MAMDC4: variants seen among roughly 807,000 people sequenced by gnomAD.
The protein encoded by MAMDC4 is MAM domain containing 4.
In MAMDC4, 168 loss-of-function variants were observed where a neutral mutation model predicts 153.3. The ratio of observed to expected loss-of-function variants is 1.10; its 90% CI spans 0.97 to 1.25. The LOEUF is 1.25. Among genes scored for constraint, MAMDC4 ranks in the 50% most tolerant of loss-of-function variants. MAMDC4 has a pLI of 0.00. For missense variants in MAMDC4, 1,701 were observed against 1,542.8 expected (o/e 1.10, Z -1.72); for synonymous variants, 744 against 651.5 (o/e 1.14, Z -2.16).
chr9:136,857,522 G>A lies in MAMDC4; in HGVS notation c.2262G>A (p.Gln754=). ...SPGGQGLWRR[Q]ANASGHAAWG... Reference sequence around the variant, plus strand: ...GAGGCCAAGGTCTCTGGAGGCGGCAGGCCAATGCCTCGGGCCATGCTGCCT... The same window carrying A: ...GAGGCCAAGGTCTCTGGAGGCGGCAAGCCAATGCCTCGGGCCATGCTGCCT... Residue 754 remains glutamine (Q), a synonymous_variant, in exon 18 of 27, where the codon CAG becomes CAA. Coordinates refer to ENST00000317446, the MANE Select transcript of MAMDC4 (RefSeq NM_206920.3). 2 of 1,610,984 alleles carry A rather than the reference G, an allele frequency of 1.2e-6. No homozygotes were observed. The highest frequency in any genetic ancestry group is 1.7e-5 in the Admixed American group (1 of 60,032).
chr9:136,860,218 T>C (rs936435138), intron 26 of MAMDC4, among the ~76,000 whole-genome samples, 154 bp downstream of exon 26: 8 of 152,120 alleles, frequency 5.3e-5, no homozygotes, highest in Admixed American at 5.2e-4. Context: ...CAGCCACCAC[T>C]GTCAAAGCTC....
At position 136,854,586 on chromosome 9, in the gene MAMDC4, C is replaced by A; in HGVS notation, c.844C>A (p.Arg282Ser). The change falls in exon 8 of 27, where the codon CGC becomes AGC. Residue 282 changes from arginine (R) to serine (S), a missense_variant. Physicochemically the swap from Arg to Ser is moderately radical, Grantham distance 110. Transcript: ENST00000317446. ...DFETGLGPWN[R>S]SEGWSRNHRA... The stretch of plus-strand genomic sequence containing the variant: ...TGAGACAGGCCTGGGCCCATGGAAC[C>A]GCTCGGAAGGCTGGTCCCGGAACCA... The A allele has an allele frequency of 6.2e-7, 1 of 1,607,580 alleles. No individual in the cohort carries two copies. The highest frequency in any genetic ancestry group is 8.5e-7 in the Non-Finnish European group (1 of 1,177,892).
rs1215042024 is a variant in MAMDC4, at chr9:136,854,353, G to A, written c.796+17G>A. 11 of 1,529,856 alleles carry A rather than the reference G, an allele frequency of 7.2e-6. No individual in the cohort carries two copies. The highest frequency in any genetic ancestry group is 1.3e-5 in the South Asian group (1 of 79,348). 94.8% of individuals were successfully genotyped at this position (1,529,856 alleles called of 1,614,324 possible). On this transcript the variant is annotated intron_variant, in intron 7 of 26. Coordinates refer to ENST00000317446, the MANE Select transcript of MAMDC4 (RefSeq NM_206920.3). ...TCACCTGTGGTGAGGCCGGAGTGGGGGCCCAGAGTGAGGCTGGGAGACTGG... is the reference window on the plus strand; with the variant it reads ...TCACCTGTGGTGAGGCCGGAGTGGGAGCCCAGAGTGAGGCTGGGAGACTGG...
chr9:136,853,190 C>A lies in MAMDC4; in HGVS notation c.135C>A (p.Cys45Ter), dbSNP rs371276322. 1 of 1,612,820 alleles carries A rather than the reference C, an allele frequency of 6.2e-7. No homozygotes were observed. The highest frequency in any genetic ancestry group is 8.5e-7 in the Non-Finnish European group (1 of 1,179,954). ...VCNFVCDCRD[C>*]SDEAQCGYHG... ...ACTTCGTGTGTGACTGCAGGGACTGCTCAGATGAGGCCCAGTGTGGTGAGC... is the reference window on the plus strand; with the variant it reads ...ACTTCGTGTGTGACTGCAGGGACTGATCAGATGAGGCCCAGTGTGGTGAGC... The change falls in exon 2 of 27, where the codon TGC becomes TGA. Residue 45 changes from cysteine (C) to a stop codon, truncating the protein, a stop_gained. Coordinates refer to ENST00000317446, the MANE Select transcript of MAMDC4 (RefSeq NM_206920.3). LOFTEE classifies it high-confidence loss of function.
At position 136,857,552 on chromosome 9, in the gene MAMDC4, C is replaced by A; in HGVS notation, c.2292C>A (p.Gly764=). ...ATGCCTCGGGCCATGCTGCCTGGGG[C>A]CCCCCAACAGACCATACCACTGAGA... ...QANASGHAAW[G]PPTDHTTETA... Residue 764 remains glycine, a synonymous_variant, in exon 18 of 27, where the codon GGC becomes GGA. Transcript: ENST00000317446. 1 of 1,611,838 alleles carries A rather than the reference C, an allele frequency of 6.2e-7. No individual in the cohort carries two copies. Among genetic ancestry groups the A allele is most frequent in the African/African-American group, 1.3e-5 (1 of 75,060 alleles).
intron 1 of MAMDC4, 106 bp from the exon 2 acceptor site, chr9:136,852,996 C>T: frequency 1.1e-6 from 1 of 912,614 alleles, no homozygotes; most frequent in Non-Finnish European, 1.7e-6. Context: ...GTCTGAGGGG[C>T]ATCCCCGGAC....
Position 136,857,434 on chromosome 9 carries a change from CGGGCCCCTGCT to C in MAMDC4, c.2183_2193del (p.Cys728Ter), listed in dbSNP as rs764872907. ...GCGCTGGACGATGTGGCCGTGCGGC[CGGGCCCCTGCT>C]GGGCCCCTAATTACTGCTCCTTTGA... is the stretch of plus-strand genomic sequence containing the variant. On this transcript the variant is annotated frameshift_variant, in exon 18 of 27. Coordinates refer to ENST00000317446, the MANE Select transcript of MAMDC4 (RefSeq NM_206920.3). LOFTEE classifies it high-confidence loss of function. 11 of 1,608,208 alleles carry C rather than the reference CGGGCCCCTGCT, an allele frequency of 6.8e-6. No individual in the cohort carries two copies. The highest frequency in any genetic ancestry group is 2.2e-5 in the East Asian group (1 of 44,882).
intron 26 of MAMDC4, 32 bp from the exon 27 acceptor site, chr9:136,860,530 A>G (rs1849074361): frequency 6.2e-7 from 1 of 1,601,710 alleles, no homozygotes; most frequent in Admixed American, 1.7e-5. Context: ...TCAGGAAAGA[A>G]AGAAAAAAAA....
chr9:136,855,250 TCAGATCCTCCTGGCCGGG>T lies in MAMDC4; in HGVS notation c.1199_1216del (p.Ile400_Gln405del). On this transcript the variant is annotated splice_acceptor_variant and splice_polypyrimidine_tract_variant and coding_sequence_variant and intron_variant, in exon 11 of 27. Transcript: ENST00000317446. LOFTEE classifies it high-confidence loss of function. ...GGGCACCCCCTGAGCCCCTCTGCCCTCAGATCCTCCTGGCCGGGCAGACAGGCCCGGGGGGCGTCGTGG... is the reference window on the plus strand; with the variant it reads ...GGGCACCCCCTGAGCCCCTCTGCCCTCAGACAGGCCCGGGGGGCGTCGTGG... 3.1e-6 allele frequency: 5 copies of T among 1,589,286 alleles called. No homozygotes were observed. The East Asian group carries it at 1.1e-4, about 36-fold the overall frequency.
Position 136,854,304 on chromosome 9 carries a change from G to T in MAMDC4, c.764G>T (p.Gly255Val). Residue 255 changes from glycine (G) to valine (V), a missense_variant, in exon 7 of 27, where the codon GGG (glycine) becomes GTG (valine). By Grantham distance (109) the Gly-to-Val change is moderately radical. Coordinates refer to ENST00000317446, the MANE Select transcript of MAMDC4 (RefSeq NM_206920.3). The part of the protein sequence containing the change: ...QQLCDGEDNC[G>V]DLSDENPLTC... ...CTGTGCGACGGGGAAGACAACTGCG[G>T]GGACCTGTCTGATGAGAACCCACTC... 2.5e-6 allele frequency: 4 copies of T among 1,596,250 alleles called. No individual in the cohort carries two copies. The highest frequency in any genetic ancestry group is 3.4e-6 in the Non-Finnish European group (4 of 1,172,132).
Position 136,853,764 on chromosome 9 carries a change from CCT to C in MAMDC4, c.455-12_455-11del. The C allele has an allele frequency of 3.1e-6, 5 of 1,607,674 alleles. No individual in the cohort carries two copies. Among genetic ancestry groups the C allele is most frequent in the Non-Finnish European group, 4.2e-6 (5 of 1,177,096 alleles). On this transcript the variant is annotated splice_polypyrimidine_tract_variant and intron_variant, in intron 4 of 26. Coordinates refer to ENST00000317446, the MANE Select transcript of MAMDC4 (RefSeq NM_206920.3). ...GCAGGGCCGCAGCTGCCCTGGGACC[CCT>C]GACATTGCAGATGTGGCTGAACTGC...
rs1311657551 is a variant in MAMDC4, at chr9:136,859,096, G to A, written c.3048G>A (p.Glu1016=). Residue 1016 remains glutamate (E), a synonymous_variant, in exon 24 of 27, where the codon GAG becomes GAA. Coordinates refer to ENST00000317446, the MANE Select transcript of MAMDC4 (RefSeq NM_206920.3). ...GGCATCGGCGGCACCAGTGGCTGGA[G>A]GCCCAGGTGGAGGTAGCCAGTGCCA... is the stretch of plus-strand genomic sequence containing the variant. The part of the protein sequence containing the change: ...AGGHRRHQWL[E]AQVEVASAKE... 4.5e-6 allele frequency: 7 copies of A among 1,552,276 alleles called. No homozygotes were observed. The highest frequency in any genetic ancestry group is 1.7e-4 in the Middle Eastern group (1 of 5,934).
In MAMDC4 at chr9:136,854,579, A is replaced by G; in HGVS notation, c.837A>G (p.Pro279=). 1 of 1,607,738 alleles carries G rather than the reference A, an allele frequency of 6.2e-7. No homozygotes were observed. Among genetic ancestry groups the G allele is most frequent in the Non-Finnish European group, 8.5e-7 (1 of 1,178,008 alleles). The stretch of plus-strand genomic sequence containing the variant: ...CCGACTTTGAGACAGGCCTGGGCCC[A>G]TGGAACCGCTCGGAAGGCTGGTCCC... ...IATDFETGLG[P]WNRSEGWSRN... Residue 279 remains proline (P), a synonymous_variant, in exon 8 of 27, where the codon CCA becomes CCG. Coordinates refer to ENST00000317446, the MANE Select transcript of MAMDC4 (RefSeq NM_206920.3).
chr9:136,854,002 C>G lies in MAMDC4; in HGVS notation c.596C>G (p.Ser199Cys). ...GCCTGTTCTCTTCAGGTGACCTTCT[C>G]TGCCACCCGAAATGCCACCCACAGG... ...RIRGDFRVTF[S>C]ATRNATHRGA... is the part of the protein sequence containing the mutation. The change falls in exon 6 of 27, where the codon TCT becomes TGT. Residue 199 changes from serine to cysteine, a missense_variant. Physicochemically the swap from Ser to Cys is moderately radical, Grantham distance 112 (BLOSUM62 -1). Coordinates refer to ENST00000317446, the MANE Select transcript of MAMDC4 (RefSeq NM_206920.3). 1 of 1,612,992 alleles carries G rather than the reference C, an allele frequency of 6.2e-7. No individual in the cohort carries two copies.
intron 23 of MAMDC4, 50 bp from the exon 24 acceptor site, chr9:136,858,955 T>C: frequency 6.6e-7 from 1 of 1,518,118 alleles, no homozygotes. Context: ...TGGTTAGGCG[T>C]GCAGGAGCCC....
chr9:136,855,933 A>G (rs1848997972), intron 13 of MAMDC4, 85 bp downstream of exon 13: 2 of 1,540,446 alleles, frequency 1.3e-6, no homozygotes, highest in Non-Finnish European at 1.7e-6. Context: ...TCTGCACTAC[A>G]GAGGGTCTCT....
intron 1 of MAMDC4, 107 bp from the exon 2 acceptor site, chr9:136,852,995 G>A: frequency 2.2e-6 from 2 of 909,544 alleles, no homozygotes; most frequent in Admixed American, 2.3e-5. Flanking sequence ...GGTCTGAGGG[G>A]CATCCCCGGA....
rs1848955342 is a variant in MAMDC4 at position 136,853,383 on chromosome 9, T to C, written c.253T>C (p.Trp85Arg). 3 of 1,606,244 alleles carry C rather than the reference T, an allele frequency of 1.9e-6. No individual in the cohort carries two copies. In the African/African-American group the frequency reaches 4.0e-5, roughly 21 times the overall value. ...WRDISTSGYSWLRDRAGAALE... is the reference protein window; with the variant it reads ...WRDISTSGYSRLRDRAGAALE... ...GGACATTAGTACCTCAGGCTACAGC[T>C]GGCTCCGAGACAGGGCAGGGGCCGC... The change falls in exon 3 of 27, where the codon TGG becomes CGG. Residue 85 changes from tryptophan to arginine, a missense_variant. Transcript: ENST00000317446.
rs376597344 is a variant in MAMDC4, at chr9:136,855,851, G to GAGGCCCA, written c.1588+15_1588+21dup. The GAGGCCCA allele has an allele frequency of 9.0e-4, 1,358 of 1,501,882 alleles. 9 individuals carry two copies. In the African/African-American group the frequency reaches 0.016, roughly 18 times the overall value. The allele number at this position is 1,501,882 out of a possible 1,614,324, so 93.0% of individuals were successfully genotyped here. ...GGGGTCCAGTGCAGCTGCTGCTGGT[G>GAGGCCCA]AGGCCCAAGGCCCAAGGCTCAAGCC... is the stretch of plus-strand genomic sequence containing the variant. On this transcript the variant is annotated splice_donor_region_variant and intron_variant, in intron 13 of 26. Transcript: ENST00000317446.
Sources: gnomAD v4.1 joint callset for allele counts (sites outside exome capture counted in the v4.1 genomes callset) on GRCh38, gnomAD v4.1.1 for gene constraint, MANE v1.5 for transcripts, NCBI Gene and HGNC (gene_info 2026-07-23, HGNC 2026-07-21) for gene names.